Variants in LAMA5 observed in about 807,000 individuals in gnomAD.
The protein encoded by LAMA5 is laminin subunit alpha-5.
LAMA5 carries 260 observed loss-of-function variants against 433.4 expected under a neutral mutation model. The ratio of observed to expected loss-of-function variants is 0.60; its 90% CI spans 0.54 to 0.66. The LOEUF (loss-of-function observed/expected upper bound fraction) is 0.66, where lower values mean the gene tolerates loss of function less well. Ranked by LOEUF, LAMA5 falls within the 30% of genes least tolerant of loss-of-function variation. The probability of loss-of-function intolerance (pLI) is 0.00; values close to 1 mark genes in which losing one functional copy is unlikely to be tolerated. For missense variants in LAMA5, 5,378 were observed against 5,258.5 expected (o/e 1.02, Z -0.70); for synonymous variants, 2,620 against 2,226.6 (o/e 1.18, Z -4.97).
rs771570265 is a variant in LAMA5, at chr20:62,310,928, G to C, written c.10255C>G (p.Arg3419Gly). 5 of 1,610,646 alleles carry C rather than the reference G, an allele frequency of 3.1e-6. No homozygotes were observed. Among genetic ancestry groups the C allele is most frequent in the Non-Finnish European group, 4.2e-6 (5 of 1,179,460 alleles). ...TTGTGCCAGCGGCCAGGCCGGGAGC[G>C]CTGGCGGCTCTGGGCGCGGAGCCGA... is the stretch of plus-strand genomic sequence containing the variant. ...GTRLRAQSRQRSRPGRWHKVS... is the reference protein window; with the variant it reads ...GTRLRAQSRQGSRPGRWHKVS... Residue 3419 changes from arginine to glycine, a missense_variant, in exon 74 of 80, where the codon CGC becomes GGC. Coordinates refer to ENST00000252999, the MANE Select transcript of LAMA5 (RefSeq NM_005560.6).
intron 60 of LAMA5, 29 bp downstream of exon 60, chr20:62,314,770 G>A (rs758531009): frequency 4.3e-6 from 7 of 1,612,818 alleles, no homozygotes; most frequent in Non-Finnish European, 5.9e-6. Flanking sequence ...CCTCCCTGAT[G>A]TCCACCTTCC....
chr20:62,346,458 C>T, intron 9 of LAMA5, 48 bp downstream of exon 9: 1 of 1,521,522 alleles, frequency 6.6e-7, no homozygotes, highest in Non-Finnish European at 8.9e-7. Flanking sequence ...CACCTCTTTC[C>T]AGGCAGACCC....
chr20:62,345,850 C>T lies in LAMA5; in HGVS notation c.1445G>A (p.Arg482Lys). 1 of 1,552,830 alleles carries T rather than the reference C, an allele frequency of 6.4e-7. No homozygotes were observed. The highest frequency in any genetic ancestry group is 8.7e-7 in the Non-Finnish European group (1 of 1,148,008). The change falls in exon 11 of 80, where the codon AGG becomes AAG. Residue 482 changes from arginine to lysine, a missense_variant. Transcript: ENST00000252999. ...CTGGCCGGCTGGCAGCACCTGCTCC[C>T]TGGTGTCATTGGAGGACGAGGGCGT... ...YPTPSSSNDTREQVLPAGQIV... is the reference protein window; with the variant it reads ...YPTPSSSNDTKEQVLPAGQIV...
At position 62,327,496 on chromosome 20, in the gene LAMA5, G is replaced by A. The variant is rs375301998; in HGVS notation, c.4938+33C>T. The A allele has an allele frequency of 4.5e-5, 73 of 1,611,354 alleles. 1 individual carries two copies. Among genetic ancestry groups the A allele is most frequent in the South Asian group, 2.2e-4 (20 of 91,062 alleles). On this transcript the variant is annotated intron_variant, in intron 37 of 79. Coordinates refer to ENST00000252999, the MANE Select transcript of LAMA5 (RefSeq NM_005560.6). ...ATCCAGTCCCACCTAAGACCTCCCCGAGAAGGCAATGCCCTCAGTCCTGCA... is the reference window on the plus strand; with the variant it reads ...ATCCAGTCCCACCTAAGACCTCCCCAAGAAGGCAATGCCCTCAGTCCTGCA...
At chr20:62,331,382 C>T (rs1217598226) in intron 28 of LAMA5, among the ~76,000 whole-genome samples, 6 of 151,856 alleles carry the variant, frequency 4.0e-5, no homozygotes, top group Non-Finnish European at 4.4e-5. Context: ...CCCAGGCGTC[C>T]GACCGAGCCC....
At position 62,332,719 on chromosome 20, in the gene LAMA5, T is replaced by TGCAGGGAAG; in HGVS notation, c.3283-11_3283-3dup. 1.2e-6 allele frequency: 2 copies of TGCAGGGAAG among 1,610,140 alleles called. No homozygotes were observed. Among genetic ancestry groups the TGCAGGGAAG allele is most frequent in the Non-Finnish European group, 1.7e-6 (2 of 1,178,878 alleles). On this transcript the variant is annotated splice_polypyrimidine_tract_variant and splice_region_variant and intron_variant, in intron 26 of 79. Coordinates refer to ENST00000252999, the MANE Select transcript of LAMA5 (RefSeq NM_005560.6). ...TGCCACTTGAAGCTGGACGTCCACC[T>TGCAGGGAAG]GCAGGGAAGGCAGGGTGACGGGAGG...
chr20:62,330,004 C>T (rs1169389362), intron 31 of LAMA5, 88 bp from the exon 32 acceptor site: 2 of 1,501,416 alleles, frequency 1.3e-6, no homozygotes, highest in Non-Finnish European at 1.8e-6. Context: ...GTTGGGGCAG[C>T]CAAGGAGTGC....
At position 62,314,821 on chromosome 20, in the gene LAMA5, T is replaced by C. The variant is rs1986765955; in HGVS notation, c.8174A>G (p.Gln2725Arg). ...CACCTTACTGGCAGCCCCCCGGGCC[T>C]GGGCAATGAGCTCTCGCACGCGGCC... ...SIGRVRELIA[Q>R]ARGAASKVKV... The change falls in exon 60 of 80, where the codon CAG (glutamine) becomes CGG (arginine). Residue 2725 changes from glutamine (Q) to arginine (R), a missense_variant. Coordinates refer to ENST00000252999, the MANE Select transcript of LAMA5 (RefSeq NM_005560.6). 6.2e-7 allele frequency: 1 copy of C among 1,612,806 alleles called. No homozygotes were observed. Among genetic ancestry groups the C allele is most frequent in the Non-Finnish European group, 8.5e-7 (1 of 1,179,938 alleles).
At position 62,315,064 on chromosome 20, in the gene LAMA5, C is replaced by CCTGGCCCCGCAGGCCCTCGTA; in HGVS notation, c.7990_8010dup (p.Tyr2664_Gln2670dup). ...GCGTCAAGCACTGCCTGGCCCAGGT[C>CCTGGCCCCGCAGGCCCTCGTA]CTGGCCCCGCAGGCCCTCGTACTGG... On this transcript the variant is annotated inframe_insertion, in exon 59 of 80. Transcript: ENST00000252999. The CCTGGCCCCGCAGGCCCTCGTA allele has an allele frequency of 6.2e-7, 1 of 1,600,522 alleles. No homozygotes were observed. Among genetic ancestry groups the CCTGGCCCCGCAGGCCCTCGTA allele is most frequent in the South Asian group, 1.1e-5 (1 of 90,812 alleles).
chr20:62,321,296 AGAGG>A (rs1262401149), intron 48 of LAMA5, among the ~76,000 whole-genome samples: 1 of 53,138 alleles, frequency 1.9e-5, no homozygotes, highest in Non-Finnish European at 3.5e-5. Flanking sequence ...CGGTGGAGGA[AGAGG>A]GGGCCAGTGA....
Position 62,334,505 on chromosome 20 carries a change from G to A in LAMA5, c.2582+17C>T, listed in dbSNP as rs1434129035. 3 of 1,545,410 alleles carry A rather than the reference G, an allele frequency of 1.9e-6. No homozygotes were observed. Among genetic ancestry groups the A allele is most frequent in the Non-Finnish European group, 2.6e-6 (3 of 1,145,108 alleles). ...CCTGCCCCGCTCCCCACCACCCAGT[G>A]GGGAAGGGGTACCCACTCGCTGCAG... On this transcript the variant is annotated intron_variant, in intron 21 of 79. Transcript: ENST00000252999.
intron 50 of LAMA5, 148 bp downstream of exon 50, chr20:62,320,411 T>G: frequency 1.6e-6 from 1 of 611,772 alleles, no homozygotes; most frequent in Non-Finnish European, 2.9e-6. Flanking sequence ...TTCAGTGACT[T>G]GGTCAACCCC....
chr20:62,333,357 C>A lies in LAMA5; in HGVS notation c.3128+18G>T, dbSNP rs747875381. On this transcript the variant is annotated intron_variant, in intron 25 of 79. Coordinates refer to ENST00000252999, the MANE Select transcript of LAMA5 (RefSeq NM_005560.6). ...CAGGAAGCCCCCACCCCGGTCCCAC[C>A]GCACGCATGGCCCTCACTTGTCGCC... The A allele has an allele frequency of 5.0e-6, 8 of 1,611,524 alleles. No individual in the cohort carries two copies. The East Asian group carries it at 1.1e-4, about 22-fold the overall frequency.
At position 62,324,972 on chromosome 20, in the gene LAMA5, G is replaced by A. The variant is rs1264626574; in HGVS notation, c.5529+344C>T. Reference sequence around the variant, plus strand: ...GCAGCTGGACAGACACACAGTGGGCGAGGGATGGGCAGAATGACAGGCAGA... The same window carrying A: ...GCAGCTGGACAGACACACAGTGGGCAAGGGATGGGCAGAATGACAGGCAGA... On this transcript the variant is annotated intron_variant, in intron 41 of 79. Coordinates refer to ENST00000252999, the MANE Select transcript of LAMA5 (RefSeq NM_005560.6). The surrounding 1 kb of genome is among the most constrained non-coding windows in gnomAD (Gnocchi z 4.4). The A allele has an allele frequency of 1.5e-5, 6 of 404,288 alleles. 1 individual carries two copies. Among genetic ancestry groups the A allele is most frequent in the East Asian group, 9.2e-5 (2 of 21,770 alleles). 25.0% of individuals were successfully genotyped at this position (404,288 alleles called of 1,614,324 possible).
At position 62,327,972 on chromosome 20, in the gene LAMA5, C is replaced by G. The variant is rs769978936; in HGVS notation, c.4691G>C (p.Cys1564Ser). The G allele has an allele frequency of 6.2e-7, 1 of 1,612,338 alleles. No individual in the cohort carries two copies. The highest frequency in any genetic ancestry group is 1.7e-5 in the Admixed American group (1 of 59,994). ...GGGGTAGCCATGGAAGCCCGGAGAG[C>G]AGGTATCACAGCGGCGCCCAGTCAC... ...PNVTGRRCDT[C>S]SPGFHGYPRC... Residue 1564 changes from cysteine (C) to serine (S), a missense_variant, in exon 36 of 80, where the codon TGC becomes TCC. By Grantham distance (112) the Cys-to-Ser change is moderately radical. Transcript: ENST00000252999.
At chr20:62,334,418 G>A (rs1981149053) in intron 21 of LAMA5, 76 bp from the exon 22 acceptor site, 14 of 1,516,446 alleles carry the variant, frequency 9.2e-6, no homozygotes, top group African/African-American at 1.4e-5. Context: ...GGGTCTCCAG[G>A]GAGGGTGAGG....
At chr20:62,312,344 G>A (rs370847947) in intron 68 of LAMA5, 28 bp from the exon 69 acceptor site, 172 of 1,603,854 alleles carry the variant, frequency 1.1e-4, no homozygotes, top group Non-Finnish European at 1.3e-4. Context: ...CTGAGTGCCC[G>A]CGGGTGCCCC....
At chr20:62,357,832 C>G (rs1203213936) in intron 2 of LAMA5, among the ~76,000 whole-genome samples, 3 of 152,182 alleles carry the variant, frequency 2.0e-5, no homozygotes, top group Non-Finnish European at 1.5e-5. Context: ...GGGGGCTGCC[C>G]GCACCTCAAC....
chr20:62,333,550 G>A lies in LAMA5; in HGVS notation c.3021+14C>T, dbSNP rs2146205334. ...TGACCCGGCCCCCAGCCCTCACTCT[G>A]GCCCCTGCCTCACCAGGAGCACCCC... On this transcript the variant is annotated intron_variant, in intron 24 of 79. Transcript: ENST00000252999. 1.3e-6 allele frequency: 2 copies of A among 1,566,120 alleles called. No individual in the cohort carries two copies. The highest frequency in any genetic ancestry group is 2.7e-5 in the African/African-American group (2 of 73,974).
Sources: allele counts gnomAD v4.1 joint callset (sites outside exome capture counted in the v4.1 genomes callset), GRCh38; gene constraint gnomAD v4.1.1; non-coding constraint Gnocchi (gnomAD v3.1); transcripts MANE v1.5; gene names NCBI Gene and HGNC (gene_info 2026-07-23, HGNC 2026-07-21).